NEURL4: variants seen among roughly 807,000 people sequenced by gnomAD.
NEURL4 encodes the protein neuralized-like protein 4.
NEURL4 carries 45 observed loss-of-function variants against 148.0 expected under a neutral mutation model. The ratio of observed to expected loss-of-function variants is 0.30; its 90% confidence interval spans 0.24 to 0.39. The LOEUF (loss-of-function observed/expected upper bound fraction) is 0.39. Ranked by LOEUF, NEURL4 falls within the 10% of genes least tolerant of loss-of-function variation. NEURL4 has a pLI of 1.00. For missense variants in NEURL4, 1,776 were observed against 2,144.0 expected (o/e 0.83, Z 3.39); for synonymous variants, 854 against 869.0 (o/e 0.98, Z 0.30).
rs752474709 is a variant in NEURL4 at position 7,326,834 on chromosome 17, C to T, written c.969G>A (p.Lys323=). The change falls in exon 4 of 29, where the codon AAG becomes AAA. Residue 323 remains lysine (K), a synonymous_variant. Transcript: ENST00000399464. The surrounding 1 kb of genome is among the most constrained non-coding windows in gnomAD (Gnocchi z 6.0). ...TSNDALLFHE[K]CGTLIKLSNN... ...TGCTGAGTTTGATGAGGGTCCCGCA[C>T]TTTTCATGAAAGAGCAGGGCATCGT... 6.2e-7 allele frequency: 1 copy of T among 1,613,858 alleles called. No homozygotes were observed. Among genetic ancestry groups the T allele is most frequent in the Non-Finnish European group, 8.5e-7 (1 of 1,179,954 alleles).
chr17:7,323,212 A>G, intron 14 of NEURL4, 89 bp from the exon 15 acceptor site: 1 of 1,399,404 alleles, frequency 7.1e-7, no homozygotes, highest in South Asian at 1.3e-5. Context: ...GAACCCTCCA[A>G]TGTCTTGGGC....
chr17:7,320,826 C>T lies in NEURL4; in HGVS notation c.3458G>A (p.Arg1153Gln). ...GATGCCCTGATTGTAGCTGGCCACC[C>T]GTGTGGCCGTACGGTTCCCATTAGA... The part of the protein sequence containing the change: ...LLSNGNRTAT[R>Q]VASYNQGIVV... Residue 1153 changes from arginine to glutamine, a missense_variant, in exon 21 of 29, where the codon CGG becomes CAG. Coordinates refer to ENST00000399464, the MANE Select transcript of NEURL4 (RefSeq NM_032442.3). The T allele has an allele frequency of 2.5e-6, 4 of 1,614,076 alleles. No homozygotes were observed. The highest frequency in any genetic ancestry group is 3.4e-6 in the Non-Finnish European group (4 of 1,180,000).
intron 21 of NEURL4, 47 bp downstream of exon 21, chr17:7,320,712 G>A (rs769349188): frequency 1.3e-6 from 2 of 1,571,260 alleles, no homozygotes; most frequent in African/African-American, 2.7e-5. Context: ...GTTGGCCATG[G>A]GTCACTGTGG....
Position 7,315,819 on chromosome 17 carries a change from T to G in NEURL4, c.*304A>C. Reference sequence around the variant, plus strand: ...ACCAGAAACAAAAACGGAAATAAATTAAGTGATGTGGGGTAGGGGAGTAAA... The same window carrying G: ...ACCAGAAACAAAAACGGAAATAAATGAAGTGATGTGGGGTAGGGGAGTAAA... On this transcript the variant is annotated 3_prime_UTR_variant, in exon 29 of 29. Transcript: ENST00000399464. The G allele has an allele frequency of 2.0e-6, 1 of 509,930 alleles. No homozygotes were observed. The highest frequency in any genetic ancestry group is 3.5e-6 in the Non-Finnish European group (1 of 288,734). The allele number at this position is 509,930 out of a possible 1,614,324, so 31.6% of individuals were successfully genotyped here. A position where few individuals can be genotyped will look rare whatever the true frequency, so the allele number is the denominator to read the frequency against.
In NEURL4 at chr17:7,324,679, C is replaced by T; in HGVS notation, c.1813+120G>A. The stretch of plus-strand genomic sequence containing the variant: ...CCCTGCCCACGGGACACTCTCTAGC[C>T]ACTGAATGAGTGGTCACAAGAGTGA... On this transcript the variant is annotated intron_variant, in intron 9 of 28. Coordinates refer to ENST00000399464, the MANE Select transcript of NEURL4 (RefSeq NM_032442.3). The surrounding 1 kb of genome is among the most constrained non-coding windows in gnomAD (Gnocchi z 5.9). 1.7e-6 allele frequency: 2 copies of T among 1,206,620 alleles called. No homozygotes were observed. Among genetic ancestry groups the T allele is most frequent in the South Asian group, 2.7e-5 (2 of 73,506 alleles). 74.7% of individuals were successfully genotyped at this position (1,206,620 alleles called of 1,614,324 possible).
intron 8 of NEURL4, 65 bp downstream of exon 8, chr17:7,325,144 T>TTGGG: frequency 9.4e-6 from 9 of 956,478 alleles, no homozygotes; most frequent in Non-Finnish European, 1.4e-5. Context: ...TCCACTTCCT[T>TTGGG]GCCCCGCCCC....
Position 7,318,726 on chromosome 17 carries a change from T to C in NEURL4, c.3685-52A>G. The C allele has an allele frequency of 6.5e-7, 1 of 1,537,334 alleles. No homozygotes were observed. The highest frequency in any genetic ancestry group is 8.8e-7 in the Non-Finnish European group (1 of 1,137,002). On this transcript the variant is annotated intron_variant, in intron 22 of 28. Coordinates refer to ENST00000399464, the MANE Select transcript of NEURL4 (RefSeq NM_032442.3). This position sits in a 1 kb window ranked among gnomAD's most constrained non-coding sequence, Gnocchi z 4.3. ...AGAGGTCAGACTCCACCGCGGCAGC[T>C]GTCCCGCCCTTTGCTCTGCTTCCTT...
chr17:7,319,560 C>T (rs1300667407), intron 21 of NEURL4, among the ~76,000 whole-genome samples: 2 of 150,652 alleles, frequency 1.3e-5, no homozygotes, highest in Non-Finnish European at 3.0e-5. Context: ...ATTAGCCGGG[C>T]GTAGTGTCAT....
Position 7,325,193 on chromosome 17 carries a change from A to G in NEURL4, c.1631+16T>C. The G allele has an allele frequency of 1.1e-6, 1 of 947,114 alleles. No homozygotes were observed. The highest frequency in any genetic ancestry group is 1.4e-6 in the Non-Finnish European group (1 of 722,220). 58.7% of individuals were successfully genotyped at this position (947,114 alleles called of 1,614,324 possible). A position where few individuals can be genotyped will look rare whatever the true frequency, so the allele number is the denominator to read the frequency against. ...GAATCCCTTCTTCAGGCTTCTCCCC[A>G]CCCCATGGGCCATACTGGGGCCTCA... On this transcript the variant is annotated intron_variant, in intron 8 of 28. Transcript: ENST00000399464.
chr17:7,328,896 C>CTATGGT, intron 1 of NEURL4, 135 bp downstream of exon 1: 1 of 771,966 alleles, frequency 1.3e-6, no homozygotes, highest in Non-Finnish European at 1.9e-6. Context: ...TCCTGACCGC[C>CTATGGT]CCCTGGTGCT....
At chr17:7,320,702 G>T in intron 21 of NEURL4, 57 bp downstream of exon 21, 2 of 1,520,206 alleles carry the variant, frequency 1.3e-6, no homozygotes, top group Non-Finnish European at 1.8e-6. Flanking sequence ...TTTCAGGGGG[G>T]TTGGCCATGG....
In NEURL4 at chr17:7,327,635, A is replaced by G. The variant is rs536595561; in HGVS notation, c.532T>C (p.Cys178Arg). The G allele has an allele frequency of 2.8e-5, 45 of 1,613,334 alleles. No homozygotes were observed. In the East Asian group the frequency reaches 8.7e-4, roughly 31 times the overall value. The change falls in exon 2 of 29, where the codon TGC becomes CGC. Residue 178 changes from cysteine (C) to arginine (R), a missense_variant. By Grantham distance (180) the Cys-to-Arg change is radical. Coordinates refer to ENST00000399464, the MANE Select transcript of NEURL4 (RefSeq NM_032442.3). The surrounding 1 kb of genome is among the most constrained non-coding windows in gnomAD (Gnocchi z 6.6). ...GGCAGGCCTGTGGCAGCCACACCGC[A>G]ATCCCGCCCATTCACCCAGAGCCGA... ...ELRLWVNGRD[C>R]GVAATGLPPR... is the part of the protein sequence containing the mutation.
In NEURL4 at chr17:7,317,819, G is replaced by A; in HGVS notation, c.4174C>T (p.Leu1392=). Residue 1392 remains leucine (L), a synonymous_variant, in exon 26 of 29, where the codon CTG becomes TTG. Transcript: ENST00000399464. ...RRGEPPREYA[L]PFGWCRFNLR... The stretch of plus-strand genomic sequence containing the variant: ...TTGAACCTGCACCAGCCAAAGGGCA[G>A]TGCATATTCCCGGGGAGGCTCCCCT... The A allele has an allele frequency of 1.9e-6, 3 of 1,613,972 alleles. No individual in the cohort carries two copies. Among genetic ancestry groups the A allele is most frequent in the Non-Finnish European group, 2.5e-6 (3 of 1,180,052 alleles).
In NEURL4 at chr17:7,323,949, G is replaced by A. The variant is rs780092375; in HGVS notation, c.2126C>T (p.Ser709Phe). 6.2e-7 allele frequency: 1 copy of A among 1,613,120 alleles called. No homozygotes were observed. The highest frequency in any genetic ancestry group is 1.1e-5 in the South Asian group (1 of 91,090). ...CAGGTCAGAGCCCCCGGCCCCTGAG[G>A]ACGGAGAGCTTGGAGACACCTGGTT... ...GNNQVSPSSP[S>F]SGAGGSDLRF... The change falls in exon 12 of 29, where the codon TCC becomes TTC. Residue 709 changes from serine (S) to phenylalanine (F), a missense_variant. Coordinates refer to ENST00000399464, the MANE Select transcript of NEURL4 (RefSeq NM_032442.3).
At chr17:7,325,759 C>G (rs755301740) in intron 6 of NEURL4, 46 bp from the exon 7 acceptor site, 8 of 1,463,186 alleles carry the variant, frequency 5.5e-6, no homozygotes, top group South Asian at 1.1e-5. Flanking sequence ...GAGGCCTGCT[C>G]AGCACCCCAC....
rs1266577266 is a variant in NEURL4 at position 7,323,054 on chromosome 17, G to A, written c.2487C>T (p.Gly829=). ...NNYGCDLDAL[G]TGARIGMMRT... ...GCATCATGCCAATGCGTGCACCTGT[G>A]CCCAGCGCATCCAGGTCACACCCAT... The change falls in exon 15 of 29, where the codon GGC becomes GGT. Residue 829 remains glycine, a synonymous_variant. Transcript: ENST00000399464. 1 of 1,613,782 alleles carries A rather than the reference G, an allele frequency of 6.2e-7. No homozygotes were observed. The highest frequency in any genetic ancestry group is 8.5e-7 in the Non-Finnish European group (1 of 1,179,986).
At chr17:7,323,435 C>T (rs1247309053) in intron 14 of NEURL4, 50 bp downstream of exon 14, 2 of 1,591,068 alleles carry the variant, frequency 1.3e-6, no homozygotes, top group Non-Finnish European at 1.7e-6. Flanking sequence ...TCCCTGATCC[C>T]AGCCAGCTCC....
chr17:7,327,263 G>C lies in NEURL4; in HGVS notation c.728-33C>G. 1 of 1,576,212 alleles carries C rather than the reference G, an allele frequency of 6.3e-7. No individual in the cohort carries two copies. Among genetic ancestry groups the C allele is most frequent in the Middle Eastern group, 1.7e-4 (1 of 5,904 alleles). ...CCAGGTGGGATGGGAGGGGAATAAGGGTTCAGTCCCTGCTTCACGGCCCAT... is the reference window on the plus strand; with the variant it reads ...CCAGGTGGGATGGGAGGGGAATAAGCGTTCAGTCCCTGCTTCACGGCCCAT... On this transcript the variant is annotated intron_variant, in intron 2 of 28. Coordinates refer to ENST00000399464, the MANE Select transcript of NEURL4 (RefSeq NM_032442.3). The surrounding 1 kb of genome is among the most constrained non-coding windows in gnomAD (Gnocchi z 6.6).
Position 7,327,768 on chromosome 17 carries a change from G to A in NEURL4, c.399C>T (p.Cys133=). ...CAGAGCGTCCATCTCTCAGCACAGA[G>A]CAGCCCGACACTACCCACGAGCCCC... The part of the protein sequence containing the change: ...LKGGSWVVSG[C]SVLRDGRSVL... The change falls in exon 2 of 29, where the codon TGC becomes TGT. Residue 133 remains cysteine, a synonymous_variant. Coordinates refer to ENST00000399464, the MANE Select transcript of NEURL4 (RefSeq NM_032442.3). The surrounding 1 kb of genome is among the most constrained non-coding windows in gnomAD (Gnocchi z 6.6). The A allele has an allele frequency of 6.2e-7, 1 of 1,614,030 alleles. No homozygotes were observed.
Sources: gnomAD v4.1 joint callset for allele counts (sites outside exome capture counted in the v4.1 genomes callset) on GRCh38, gnomAD v4.1.1 for gene constraint, Gnocchi (gnomAD v3.1) non-coding constraint, MANE v1.5 for transcripts, NCBI Gene and HGNC (gene_info 2026-07-23, HGNC 2026-07-21) for gene names.